SCARA3: variants seen among roughly 807,000 people sequenced by gnomAD.
SCARA3 encodes the protein cellular stress response gene protein.
SCARA3 carries 39 observed loss-of-function variants against 47.0 expected under a neutral mutation model. The observed-to-expected ratio is 0.83, with a 90% CI of 0.64 to 1.08. The LOEUF (loss-of-function observed/expected upper bound fraction) is 1.08. Among genes scored for constraint, SCARA3 ranks in the 50% least tolerant of loss-of-function variants. The pLI is 0.00. For synonymous variants in SCARA3, 356 were observed against 334.1 expected (o/e 1.07, Z -0.71); for missense variants, 724 against 792.3 (o/e 0.91, Z 1.04).
chr8:27,696,451 T>C, the SCARA3 span, among the ~76,000 whole-genome samples: 1 of 152,044 alleles, frequency 6.6e-6, no homozygotes, highest in African/African-American at 2.4e-5. Context: ...TGTTTTGTTT[T>C]GTTTTGCTTT....
intron 5 of SCARA3, among the ~76,000 whole-genome samples, chr8:27,660,618 T>TGACA (rs1554539819): frequency 7.6e-6 from 1 of 130,882 alleles, no homozygotes; most frequent in Non-Finnish European, 1.7e-5. Flanking sequence ...TAGAGATAGA[T>TGACA]GATAGATAGA....
chr8:27,721,349 T>C, the SCARA3 span, among the ~76,000 whole-genome samples: 1 of 152,224 alleles, frequency 6.6e-6, no homozygotes, highest in Non-Finnish European at 1.5e-5. Flanking sequence ...AACCGGGCAC[T>C]GTTCTAGGCA....
At chr8:27,692,942 T>C in the SCARA3 span, among the ~76,000 whole-genome samples, 73,572 of 151,686 alleles carry the variant, frequency 0.49, 18,135 homozygotes, top group Middle Eastern at 0.61. Flanking sequence ...TCAGGCAACA[T>C]GGCAAAACCC....
intron 1 of SCARA3, among the ~76,000 whole-genome samples, chr8:27,642,081 C>A (rs1399034625): frequency 6.6e-6 from 1 of 152,158 alleles, no homozygotes; most frequent in Non-Finnish European, 1.5e-5. Context: ...TTTCAAAATG[C>A]TTACTATGTG....
At chr8:27,703,844 C>CTTTTTTTTT in the SCARA3 span, 155 of 54,542 alleles carry the variant, frequency 2.8e-3, 10 homozygotes, top group African/African-American at 6.5e-3. Context: ...GTGCTTTCTA[C>CTTTTTTTTT]TTTTTTTTTT....
chr8:27,676,674 G>T, downstream of SCARA3: 1 of 868,690 alleles, frequency 1.2e-6, no homozygotes, highest in Non-Finnish European at 1.9e-6. Flanking sequence ...ATCCTTAATG[G>T]TAAGCATCAC....
At chr8:27,704,226 A>G in the SCARA3 span, among the ~76,000 whole-genome samples, 1 of 152,102 alleles carries the variant, frequency 6.6e-6, no homozygotes, top group Non-Finnish European at 1.5e-5. Flanking sequence ...CAGGAGGATC[A>G]CTTGAGCCCA....
At chr8:27,692,695 C>T in the SCARA3 span, among the ~76,000 whole-genome samples, 1 of 152,102 alleles carries the variant, frequency 6.6e-6, no homozygotes, top group Non-Finnish European at 1.5e-5. Flanking sequence ...ACAATCTATT[C>T]TCTCTGAAGC....
chr8:27,714,658 A>G, the SCARA3 span, among the ~76,000 whole-genome samples: 1 of 152,226 alleles, frequency 6.6e-6, no homozygotes, highest in South Asian at 2.1e-4. Flanking sequence ...TTTGATTTCC[A>G]TATCTATATC....
In SCARA3 at chr8:27,634,226, G is replaced by C. The variant is rs1380025526; in HGVS notation, c.7+19G>C. 3.0e-6 allele frequency: 4 copies of C among 1,352,762 alleles called. No homozygotes were observed. The African/African-American group carries it at 6.0e-5, about 20-fold the overall frequency. 83.8% of individuals were successfully genotyped at this position (1,352,762 alleles called of 1,614,324 possible). On this transcript the variant is annotated intron_variant, in intron 1 of 5. Coordinates refer to ENST00000301904, the MANE Select transcript of SCARA3 (RefSeq NM_016240.3). ...ATGAAAGGTAAGGGCGGCCTGTCGG[G>C]GGCAGCTCCGAGGGGGGCCGCCTGC...
At chr8:27,698,073 A>C in the SCARA3 span, among the ~76,000 whole-genome samples, 1,688 of 152,362 alleles carry the variant, frequency 0.011, 34 homozygotes, top group African/African-American at 0.039. Flanking sequence ...TCCAGTGGAA[A>C]TAGCCTTCAG....
the SCARA3 span, among the ~76,000 whole-genome samples, chr8:27,708,773 GA>G: frequency 6.6e-6 from 1 of 151,862 alleles, no homozygotes; most frequent in African/African-American, 2.4e-5. Flanking sequence ...AGGTTTGGGG[GA>G]TAATAACTTG....
chr8:27,706,880 C>T, the SCARA3 span, among the ~76,000 whole-genome samples: 7 of 151,918 alleles, frequency 4.6e-5, 1 homozygote, highest in Admixed American at 3.9e-4. Flanking sequence ...TAGCTCAGAA[C>T]GTGAAGGCAC....
chr8:27,662,146 C>T (rs1353555736), intron 5 of SCARA3, among the ~76,000 whole-genome samples: 1 of 152,204 alleles, frequency 6.6e-6, no homozygotes, highest in Non-Finnish European at 1.5e-5. Flanking sequence ...GTCATAGGAA[C>T]AGGAAGTAAA....
the SCARA3 span, among the ~76,000 whole-genome samples, chr8:27,709,965 T>C: frequency 6.6e-6 from 1 of 152,180 alleles, no homozygotes; most frequent in Non-Finnish European, 1.5e-5. Flanking sequence ...AGAGAGACGC[T>C]GACGCCTGTA....
At chr8:27,688,397 G>A in the SCARA3 span, among the ~76,000 whole-genome samples, 1 of 147,306 alleles carries the variant, frequency 6.8e-6, no homozygotes, top group African/African-American at 2.5e-5. Flanking sequence ...CCTTGATATT[G>A]GCAAAAAAAA....
At chr8:27,722,571 C>T in the SCARA3 span, among the ~76,000 whole-genome samples, 1 of 152,232 alleles carries the variant, frequency 6.6e-6, no homozygotes, top group African/African-American at 2.4e-5. Flanking sequence ...CTCTGCTGTG[C>T]TCTGCCCCTG....
At chr8:27,660,137 TCTC>T (rs34789042) in intron 5 of SCARA3, among the ~76,000 whole-genome samples, 1,979 of 152,096 alleles carry the variant, frequency 0.013, 50 homozygotes, top group African/African-American at 0.046. Context: ...GAAAAACTCT[TCTC>T]CTCTCATCCC....
chr8:27,662,419 C>G (rs1801929879), intron 5 of SCARA3, among the ~76,000 whole-genome samples: 1 of 152,164 alleles, frequency 6.6e-6, no homozygotes. Context: ...ATGGTAAGAC[C>G]AGTGAATTCC....
Sources: allele counts gnomAD v4.1 joint callset (sites outside exome capture counted in the v4.1 genomes callset), GRCh38; gene constraint gnomAD v4.1.1; transcripts MANE v1.5; gene names NCBI Gene and HGNC (gene_info 2026-07-23, HGNC 2026-07-21).